Variants in ZMIZ1 observed in about 807,000 individuals in gnomAD.
ZMIZ1 encodes zinc finger MIZ-type containing 1.
Under a neutral mutation model 113.9 loss-of-function variants are expected in ZMIZ1, and 17 were observed. The ratio of observed to expected loss-of-function variants is 0.15; its 90% CI spans 0.10 to 0.22. ZMIZ1 has a LOEUF of 0.22. ZMIZ1 is among the 10% of genes least tolerant of loss of function. ZMIZ1 has a pLI of 1.00. For missense variants in ZMIZ1, 1,059 were observed against 1,477.8 expected, an observed-to-expected ratio of 0.72 and a Z score of 4.65; for synonymous variants, 607 against 603.1, an observed-to-expected ratio of 1.01 and a Z score of -0.09.
chr10:79,222,284 C>T (rs1352521383), intron 7 of ZMIZ1, among the ~76,000 whole-genome samples: 7 of 152,142 alleles, frequency 4.6e-5, no homozygotes, highest in Admixed American at 2.0e-4. Context: ...ATCTTGGACC[C>T]GCGTCCTCAC....
intron 4 of ZMIZ1, 21 bp from the exon 5 acceptor site, chr10:79,201,563 A>G: frequency 6.3e-7 from 1 of 1,579,174 alleles, no homozygotes; most frequent in Admixed American, 1.7e-5. Flanking sequence ...TCCAGTGACA[A>G]CCTCTCCTTT....
At chr10:79,150,611 AT>A (rs1845675475) in intron 3 of ZMIZ1, among the ~76,000 whole-genome samples, 1 of 152,200 alleles carries the variant, frequency 6.6e-6, no homozygotes, top group African/African-American at 2.4e-5. Context: ...TCTGGGTCTC[AT>A]CTGTAGAAAA....
chr10:79,298,674 G>A (rs998684982), intron 15 of ZMIZ1, 94 bp downstream of exon 15: 36 of 1,186,614 alleles, frequency 3.0e-5, no homozygotes, highest in African/African-American at 3.0e-4. Flanking sequence ...TGGGGAGTGG[G>A]CATCAGAAGG....
At chr10:79,125,791 C>T (rs796649007) in intron 2 of ZMIZ1, among the ~76,000 whole-genome samples, 1 of 152,350 alleles carries the variant, frequency 6.6e-6, no homozygotes, top group African/African-American at 2.4e-5. Flanking sequence ...TTACCCACCC[C>T]ACTCATGGCA....
chr10:79,286,988 C>T (rs1031320941), intron 8 of ZMIZ1, among the ~76,000 whole-genome samples: 3 of 152,148 alleles, frequency 2.0e-5, no homozygotes, highest in African/African-American at 4.8e-5. Context: ...AGTTCTGGGG[C>T]GAGAAGCCAC....
chr10:79,296,909 A>G lies in ZMIZ1; in HGVS notation c.1413+256A>G, dbSNP rs1000785789. ...TCCTTTTCTTATTCACGGCACTCAC[A>G]AAATAATAAAGGAAATATATTTTAT... On this transcript the variant is annotated intron_variant, in intron 13 of 24. Transcript: ENST00000334512. This position sits in a 1 kb window ranked among gnomAD's most constrained non-coding sequence, Gnocchi z 4.1. 4 of 379,878 alleles carry G rather than the reference A, an allele frequency of 1.1e-5. No individual in the cohort carries two copies. Among genetic ancestry groups the G allele is most frequent in the Non-Finnish European group, 4.7e-6 (1 of 214,340 alleles). The allele number at this position is 379,878 out of a possible 1,614,324, so 23.5% of individuals were successfully genotyped here.
intron 7 of ZMIZ1, among the ~76,000 whole-genome samples, chr10:79,247,626 C>T (rs757353047): frequency 6.6e-6 from 1 of 152,200 alleles, no homozygotes; most frequent in South Asian, 2.1e-4. Context: ...GCTCCCACCC[C>T]CCGTAGGGTG....
chr10:79,117,698 A>T (rs568636022), intron 1 of ZMIZ1, among the ~76,000 whole-genome samples: 1 of 152,308 alleles, frequency 6.6e-6, no homozygotes, highest in Non-Finnish European at 1.5e-5. Flanking sequence ...CTATTCTTCC[A>T]AGTGGTGGGT....
At chr10:79,292,117 T>C in intron 10 of ZMIZ1, 41 bp from the exon 11 acceptor site, 1 of 1,562,558 alleles carries the variant, frequency 6.4e-7, no homozygotes, top group Non-Finnish European at 8.8e-7. Context: ...TCCCCTCAGA[T>C]GCAGGCAGTA....
chr10:79,117,334 G>A (rs1844079458), intron 1 of ZMIZ1, among the ~76,000 whole-genome samples: 1 of 152,262 alleles, frequency 6.6e-6, no homozygotes, highest in Admixed American at 6.5e-5. Context: ...TATTACAGGC[G>A]TAGAGTCTTT....
At chr10:79,305,679 C>T in intron 21 of ZMIZ1, 78 bp downstream of exon 21, 1 of 1,443,270 alleles carries the variant, frequency 6.9e-7, no homozygotes, top group Non-Finnish European at 9.7e-7. Context: ...AGGTGGATAG[C>T]CCTGACACAG....
Position 79,296,221 on chromosome 10 carries a change from G to T in ZMIZ1, c.1231-250G>T. On this transcript the variant is annotated intron_variant, in intron 12 of 24. Coordinates refer to ENST00000334512, the MANE Select transcript of ZMIZ1 (RefSeq NM_020338.4). This position sits in a 1 kb window ranked among gnomAD's most constrained non-coding sequence, Gnocchi z 4.1. ...AGCAAGAGGCTCTGAAAGTGTCCCT[G>T]GAGTTCAGGGGCACATGTGCTCCAG... 1 of 562,700 alleles carries T rather than the reference G, an allele frequency of 1.8e-6. No homozygotes were observed. Among genetic ancestry groups the T allele is most frequent in the Non-Finnish European group, 3.2e-6 (1 of 314,494 alleles). The allele number at this position is 562,700 out of a possible 1,614,324, so 34.9% of individuals were successfully genotyped here.
At chr10:79,201,921 C>T (rs983626625) in intron 5 of ZMIZ1, among the ~76,000 whole-genome samples, 1 of 151,884 alleles carries the variant, frequency 6.6e-6, no homozygotes, top group Non-Finnish European at 1.5e-5. Context: ...AGCTGTGTGA[C>T]GTTGGGCCAG....
chr10:79,244,086 G>A lies in ZMIZ1; in HGVS notation c.280+27812G>A, dbSNP rs535506430. On this transcript the variant is annotated intron_variant, in intron 7 of 24. Coordinates refer to ENST00000334512, the MANE Select transcript of ZMIZ1 (RefSeq NM_020338.4). ...GGCTCACGCTGCAAAAATAAGAATCGGCCAGGATGCCTTCGGAGGCAGCGC... is the reference window on the plus strand; with the variant it reads ...GGCTCACGCTGCAAAAATAAGAATCAGCCAGGATGCCTTCGGAGGCAGCGC... Among the ~76,000 whole-genome samples the A allele has an allele frequency of 5.3e-5, 8 of 152,358 alleles. No homozygotes were observed. In the South Asian group the frequency reaches 1.7e-3, roughly 32 times the overall value.
intron 2 of ZMIZ1, among the ~76,000 whole-genome samples, chr10:79,123,496 C>A (rs1392363564): frequency 1.3e-5 from 2 of 152,096 alleles, no homozygotes; most frequent in East Asian, 3.9e-4. Flanking sequence ...GTGGCAGTAG[C>A]GGGAGTGAGT....
At chr10:79,143,196 C>T (rs1455764854) in intron 3 of ZMIZ1, among the ~76,000 whole-genome samples, 2 of 152,144 alleles carry the variant, frequency 1.3e-5, no homozygotes, top group Admixed American at 1.3e-4. Context: ...CCATCTCTCC[C>T]TTGGCTCCTG....
chr10:79,279,168 G>T (rs571599715), intron 8 of ZMIZ1, among the ~76,000 whole-genome samples: 1 of 152,006 alleles, frequency 6.6e-6, no homozygotes, highest in South Asian at 2.1e-4. Flanking sequence ...CCTCCCGGAC[G>T]GGGCAGCTGC....
chr10:79,172,960 T>C (rs1280494756), intron 4 of ZMIZ1, among the ~76,000 whole-genome samples: 1 of 152,182 alleles, frequency 6.6e-6, no homozygotes, highest in African/African-American at 2.4e-5. Context: ...TGGTAGTGAC[T>C]GTGGGGCCAG....
rs1309575802 is a variant in ZMIZ1, at chr10:79,166,003, G to GTGTGTGTGTGT, written c.-50+3870_-50+3871insTGTGTGTGTGT. On this transcript the variant is annotated intron_variant, in intron 4 of 24. Coordinates refer to ENST00000334512, the MANE Select transcript of ZMIZ1 (RefSeq NM_020338.4). ...GTGTGTGTGTGTGTGTGTGTGTGTGGGCTCTCCCTGCAGGGTGGGGCAGTG... is the reference window on the plus strand; with the variant it reads ...GTGTGTGTGTGTGTGTGTGTGTGTGGTGTGTGTGTGTGCTCTCCCTGCAGGGTGGGGCAGTG... Among the ~76,000 whole-genome samples, 137 of 44,504 alleles carry GTGTGTGTGTGT rather than the reference G, an allele frequency of 3.1e-3. 3 individuals carry two copies. The highest frequency in any genetic ancestry group is 0.014 in the African/African-American group (125 of 8,658). 29.2% of individuals were successfully genotyped at this position (44,504 alleles called of 152,430 possible).
Sources: gnomAD v4.1 joint callset for allele counts (sites outside exome capture counted in the v4.1 genomes callset) on GRCh38, gnomAD v4.1.1 for gene constraint, Gnocchi (gnomAD v3.1) non-coding constraint, MANE v1.5 for transcripts, NCBI Gene and HGNC (gene_info 2026-07-23, HGNC 2026-07-21) for gene names.